FBN2: variants seen among roughly 807,000 people sequenced by gnomAD.
The protein encoded by FBN2 is fibrillin-2.
FBN2 carries 105 observed loss-of-function variants against 355.6 expected under a neutral mutation model. The ratio of observed to expected loss-of-function variants is 0.30; its 90% CI spans 0.25 to 0.35. The LOEUF is 0.35. Among genes scored for constraint, FBN2 ranks in the 10% least tolerant of loss-of-function variants. FBN2 has a pLI of 1.00. For synonymous variants in FBN2, 1,350 were observed against 1,301.2 expected, an observed-to-expected ratio of 1.04 and a Z score of -0.81; for missense variants, 3,280 against 3,758.7, an observed-to-expected ratio of 0.87 and a Z score of 3.33.
intron 48 of FBN2, among the ~76,000 whole-genome samples, chr5:128,295,267 T>C (rs1433830912): frequency 1.1e-4 from 17 of 151,760 alleles, no homozygotes; most frequent in African/African-American, 3.6e-4. Flanking sequence ...AGTCAGGTAG[T>C]GTGATGCCTC....
At chr5:128,292,349 G>A (rs111382387) in intron 48 of FBN2, among the ~76,000 whole-genome samples, 6,701 of 99,730 alleles carry the variant, frequency 0.067, 203 homozygotes, top group South Asian at 0.11. Flanking sequence ...GTGATTTTTC[G>A]TCGTTTTTTT....
intron 48 of FBN2, 55 bp from the exon 49 acceptor site, chr5:128,291,709 G>A (rs572580808): frequency 1.4e-4 from 218 of 1,525,734 alleles, no homozygotes; most frequent in Non-Finnish European, 1.9e-4. Context: ...ATAAACAATT[G>A]TCCATACTAT....
At chr5:128,371,360 T>G (rs1353385989) in intron 15 of FBN2, 1 of 152,252 alleles carries the variant, frequency 6.6e-6, no homozygotes, top group African/African-American at 2.4e-5. Context: ...GGTGACAGAC[T>G]GGACCTAAAT....
At chr5:128,300,794 C>T in intron 48 of FBN2, 23 bp downstream of exon 48, 6 of 1,613,028 alleles carry the variant, frequency 3.7e-6, no homozygotes, top group African/African-American at 1.3e-5. Context: ...ACTAGTGGGC[C>T]TCAGAATAAA....
intron 7 of FBN2, among the ~76,000 whole-genome samples, chr5:128,439,892 T>C (rs1487084438): frequency 1.3e-5 from 2 of 152,182 alleles, no homozygotes; most frequent in African/African-American, 2.4e-5. Flanking sequence ...CAAAATTGTA[T>C]AGATAATATT....
chr5:128,338,982 C>T lies in FBN2; in HGVS notation c.3423G>A (p.Glu1141=). 2 of 1,614,124 alleles carry T rather than the reference C, an allele frequency of 1.2e-6. No individual in the cohort carries two copies. Among genetic ancestry groups the T allele is most frequent in the East Asian group, 4.5e-5 (2 of 44,874 alleles). The change falls in exon 26 of 65, where the codon GAG becomes GAA. Residue 1141 remains glutamate, a synonymous_variant. Transcript: ENST00000262464. The stretch of plus-strand genomic sequence containing the variant: ...AGCCACTTTCATAGCCTTCGAAGCA[C>T]TCGCACTCAAAGCTGCCCGGTGTAT... ...CVNTPGSFEC[E]CFEGYESGFM...
At chr5:128,333,137 C>A in intron 31 of FBN2, 103 bp from the exon 32 acceptor site, 1 of 1,033,742 alleles carries the variant, frequency 9.7e-7, no homozygotes, top group Non-Finnish European at 1.5e-6. Flanking sequence ...AAAGATGCAA[C>A]CGTATGGAGA....
At position 128,263,563 on chromosome 5, in the gene FBN2, G is replaced by C. The variant is rs1489269775; in HGVS notation, c.8054C>G (p.Ser2685Cys). The change falls in exon 63 of 65, where the codon TCC (serine) becomes TGC (cysteine). Residue 2685 changes from serine to cysteine, a missense_variant. Coordinates refer to ENST00000262464, the MANE Select transcript of FBN2 (RefSeq NM_001999.4). ...GCAGGCACTGGAGAACTGGTCGAAG[G>C]AGAACCCCGAGGGGCAGGCGCACTT... ...SYKCACPSGF[S>C]FDQFSSACHD... 1 of 1,614,124 alleles carries C rather than the reference G, an allele frequency of 6.2e-7. No individual in the cohort carries two copies. The highest frequency in any genetic ancestry group is 8.5e-7 in the Non-Finnish European group (1 of 1,180,020).
At chr5:128,339,154 A>T in intron 25 of FBN2, 93 bp from the exon 26 acceptor site, 1 of 1,311,488 alleles carries the variant, frequency 7.6e-7, no homozygotes, top group African/African-American at 1.4e-5. Context: ...AGTTGGGGAA[A>T]TTGCTGGCTA....
intron 55 of FBN2, 102 bp downstream of exon 55, chr5:128,286,616 G>A: frequency 1.4e-6 from 2 of 1,388,304 alleles, no homozygotes; most frequent in East Asian, 2.3e-5. Flanking sequence ...AACACAGCTG[G>A]AAAAAGAGTT....
chr5:128,516,321 T>C (rs909112207), intron 5 of FBN2, among the ~76,000 whole-genome samples: 1 of 152,106 alleles, frequency 6.6e-6, no homozygotes, highest in African/African-American at 2.4e-5. Flanking sequence ...TCATATGCTA[T>C]GGCCACAAAT....
chr5:128,464,348 C>A (rs1178573487), intron 6 of FBN2, among the ~76,000 whole-genome samples: 1 of 152,072 alleles, frequency 6.6e-6, no homozygotes, highest in Non-Finnish European at 1.5e-5. Flanking sequence ...GGTTCAGATT[C>A]TCATAACTTG....
chr5:128,529,630 T>C (rs1159352503), intron 3 of FBN2, among the ~76,000 whole-genome samples: 1 of 152,194 alleles, frequency 6.6e-6, no homozygotes, highest in African/African-American at 2.4e-5. Context: ...TCCTCCAGCA[T>C]TGTGTTTTTT....
chr5:128,394,617 A>C (rs1752598433), intron 9 of FBN2, among the ~76,000 whole-genome samples: 1 of 152,232 alleles, frequency 6.6e-6, no homozygotes, highest in South Asian at 2.1e-4. Context: ...ACACTTGCAC[A>C]AAAACAAGTC....
Position 128,537,862 on chromosome 5 carries a change from G to C in FBN2, c.-259C>G. The C allele has an allele frequency of 1.7e-6, 1 of 589,378 alleles. No homozygotes were observed. Among genetic ancestry groups the C allele is most frequent in the Non-Finnish European group, 3.0e-6 (1 of 330,676 alleles). The allele number at this position is 589,378 out of a possible 1,614,324, so 36.5% of individuals were successfully genotyped here. On this transcript the variant is annotated 5_prime_UTR_variant, in exon 1 of 65. Transcript: ENST00000262464. ...GCGGAGGTGCAGCCGGCAGCCCCGA[G>C]CGGTACACGTTGCATAACCGGCCTA...
intron 15 of FBN2, among the ~76,000 whole-genome samples, chr5:128,369,752 T>C (rs930025210): frequency 2.0e-5 from 3 of 152,190 alleles, no homozygotes; most frequent in Admixed American, 6.5e-5. Context: ...TAAACTACCT[T>C]GAGGTGATAC....
chr5:128,280,484 A>G (rs971198657), intron 55 of FBN2, among the ~76,000 whole-genome samples, 167 bp from the exon 56 acceptor site: 2 of 149,088 alleles, frequency 1.3e-5, no homozygotes, highest in African/African-American at 4.9e-5. Context: ...GCTTTACTTC[A>G]TCCTTCTTGG....
intron 6 of FBN2, among the ~76,000 whole-genome samples, chr5:128,449,592 A>T (rs949011522): frequency 6.6e-6 from 1 of 151,478 alleles, no homozygotes; most frequent in African/African-American, 2.4e-5. Flanking sequence ...ATAAACTGCA[A>T]TACAAGAATA....
At chr5:128,507,065 A>G (rs958079823) in intron 5 of FBN2, among the ~76,000 whole-genome samples, 1 of 152,056 alleles carries the variant, frequency 6.6e-6, no homozygotes, top group Non-Finnish European at 1.5e-5. Context: ...TGGTTTTGGT[A>G]TCAAGGTAAT....
Sources: allele counts gnomAD v4.1 joint callset (sites outside exome capture counted in the v4.1 genomes callset), GRCh38; gene constraint gnomAD v4.1.1; transcripts MANE v1.5; gene names NCBI Gene and HGNC (gene_info 2026-07-23, HGNC 2026-07-21).